SV2C: variants seen among roughly 807,000 people sequenced by gnomAD.
SV2C encodes solute carrier family 22 member B3.
SV2C carries 49 observed loss-of-function variants against 79.7 expected under a neutral mutation model. The ratio of observed to expected loss-of-function variants is 0.61; its 90% CI spans 0.49 to 0.78. The LOEUF (loss-of-function observed/expected upper bound fraction) is 0.78. Ranked by LOEUF, SV2C falls within the 30% of genes least tolerant of loss-of-function variation. The pLI is 0.00. For missense variants in SV2C, 833 were observed against 912.9 expected (o/e 0.91, Z 1.13); for synonymous variants, 334 against 333.2 (o/e 1.00, Z -0.03).
chr5:76,226,083 G>A (rs555790505), intron 4 of SV2C, among the ~76,000 whole-genome samples: 1 of 152,276 alleles, frequency 6.6e-6, no homozygotes, highest in South Asian at 2.1e-4. Context: ...TAATGGATCT[G>A]GGAGTTCAGC....
chr5:76,037,585 A>G, the SV2C span, among the ~76,000 whole-genome samples: 17 of 152,228 alleles, frequency 1.1e-4, no homozygotes, highest in African/African-American at 3.6e-4. Flanking sequence ...GACCCACTTG[A>G]GGAGGCAGTC....
At chr5:76,175,892 C>T (rs1553325) in intron 2 of SV2C, among the ~76,000 whole-genome samples, 105,007 of 151,910 alleles carry the variant, frequency 0.69, 37,428 homozygotes, top group East Asian at 0.97. Context: ...TGACAGCCCC[C>T]ACTGCACTCT....
intron 3 of SV2C, 117 bp downstream of exon 3, chr5:76,195,216 G>T: frequency 9.3e-7 from 1 of 1,069,894 alleles, no homozygotes; most frequent in African/African-American, 1.6e-5. Flanking sequence ...ATATCCTCAT[G>T]TCAGCCCTGG....
chr5:75,902,335 A>T, the SV2C span, among the ~76,000 whole-genome samples: 1 of 152,138 alleles, frequency 6.6e-6, no homozygotes, highest in African/African-American at 2.4e-5. Flanking sequence ...AGGAAATCTT[A>T]TGTCCCTGTG....
At chr5:76,121,546 T>G (rs1748497864) in intron 1 of SV2C, among the ~76,000 whole-genome samples, 1 of 151,152 alleles carries the variant, frequency 6.6e-6, no homozygotes, top group South Asian at 2.1e-4. Flanking sequence ...AATTTTTGTA[T>G]AAGGTGTAAG....
the SV2C span, among the ~76,000 whole-genome samples, chr5:75,849,749 T>C: frequency 6.6e-6 from 1 of 152,202 alleles, no homozygotes; most frequent in East Asian, 1.9e-4. Flanking sequence ...GAATTTGAAA[T>C]TTCAAGATCA....
chr5:76,022,210 G>A, the SV2C span, among the ~76,000 whole-genome samples: 4 of 152,188 alleles, frequency 2.6e-5, no homozygotes, highest in Non-Finnish European at 4.4e-5. Flanking sequence ...TTCTCAGCAT[G>A]CCTGGTGCAT....
At chr5:76,014,116 G>C in the SV2C span, among the ~76,000 whole-genome samples, 1 of 145,770 alleles carries the variant, frequency 6.9e-6, no homozygotes, top group South Asian at 2.1e-4. Context: ...GGATGAAAGA[G>C]AAAGAGAGAG....
intron 4 of SV2C, among the ~76,000 whole-genome samples, chr5:76,233,779 A>G (rs188684799): frequency 4.8e-4 from 72 of 148,752 alleles, no homozygotes; most frequent in Middle Eastern, 3.4e-3. Context: ...CTTGCATCCC[A>G]GGGATGAAGC....
chr5:76,023,224 T>A, the SV2C span, among the ~76,000 whole-genome samples: 1 of 152,184 alleles, frequency 6.6e-6, no homozygotes, highest in Non-Finnish European at 1.5e-5. Context: ...CTACAAGCAT[T>A]GTTCCCAGCT....
chr5:75,854,123 T>C, the SV2C span, among the ~76,000 whole-genome samples: 1 of 152,134 alleles, frequency 6.6e-6, no homozygotes, highest in East Asian at 1.9e-4. Context: ...AACCAAAGAA[T>C]GGTGTATTTA....
intron 3 of SV2C, among the ~76,000 whole-genome samples, chr5:76,203,367 T>C (rs1002748593): frequency 6.6e-6 from 1 of 152,148 alleles, no homozygotes; most frequent in African/African-American, 2.4e-5. Flanking sequence ...AGTGCAGGAA[T>C]GGATGAGGAA....
At chr5:75,867,334 G>A in the SV2C span, among the ~76,000 whole-genome samples, 1 of 152,162 alleles carries the variant, frequency 6.6e-6, no homozygotes, top group Non-Finnish European at 1.5e-5. Flanking sequence ...CCCAACACAA[G>A]ACGGATCAAG....
At chr5:75,898,832 C>G in the SV2C span, among the ~76,000 whole-genome samples, 1 of 152,152 alleles carries the variant, frequency 6.6e-6, no homozygotes, top group Non-Finnish European at 1.5e-5. Context: ...TCCATTTCTT[C>G]TAGATTTTCT....
At chr5:76,134,456 T>A (rs1304795721) in intron 2 of SV2C, among the ~76,000 whole-genome samples, 1 of 152,210 alleles carries the variant, frequency 6.6e-6, no homozygotes, top group Non-Finnish European at 1.5e-5. Flanking sequence ...CACTAAGTCA[T>A]AGCAATAGGA....
In SV2C at chr5:76,328,595, C is replaced by A. The variant is rs528481502; in HGVS notation, c.*3048C>A. The A allele has an allele frequency of 6.6e-6, 1 of 152,264 alleles. No individual in the cohort carries two copies. The highest frequency in any genetic ancestry group is 2.4e-5 in the African/African-American group (1 of 41,552). The allele number at this position is 152,264 out of a possible 1,614,324, so 9.4% of individuals were successfully genotyped here. A position where few individuals can be genotyped will look rare whatever the true frequency, so the allele number is the denominator to read the frequency against. ...TCCTAGCCTGACCTTCACCACTAAG[C>A]GGTACAGGGACCCAGATCTTGCTGT... is the stretch of plus-strand genomic sequence containing the variant. On this transcript the variant is annotated 3_prime_UTR_variant, in exon 13 of 13. Coordinates refer to ENST00000502798, the MANE Select transcript of SV2C (RefSeq NM_014979.4).
At chr5:76,339,176 C>T (rs554316520) in intron 12 of SV2C, among the ~76,000 whole-genome samples, 4 of 152,230 alleles carry the variant, frequency 2.6e-5, no homozygotes, top group African/African-American at 9.6e-5. Context: ...GAGGTCCTCA[C>T]AATTTACGCA....
the SV2C span, among the ~76,000 whole-genome samples, chr5:76,014,242 GAGAA>G: frequency 1.4e-5 from 2 of 147,674 alleles, no homozygotes; most frequent in Middle Eastern, 3.2e-3. Context: ...AAGGAAGAAA[GAGAA>G]AGAAGAAAGG....
chr5:76,102,527 C>G (rs765503516), intron 1 of SV2C, among the ~76,000 whole-genome samples: 1 of 152,056 alleles, frequency 6.6e-6, no homozygotes, highest in African/African-American at 2.4e-5. Context: ...TCTGGTGAAC[C>G]CAGGAGGTGA....
Sources: gnomAD v4.1 joint callset for allele counts (sites outside exome capture counted in the v4.1 genomes callset) on GRCh38, gnomAD v4.1.1 for gene constraint, MANE v1.5 for transcripts, NCBI Gene and HGNC (gene_info 2026-07-23, HGNC 2026-07-21) for gene names.